Variants in ZNF804B observed in about 807,000 individuals in gnomAD.
ZNF804B encodes the protein zinc finger 804B.
ZNF804B carries 80 observed loss-of-function variants against 101.4 expected under a neutral mutation model. The ratio of observed to expected loss-of-function variants is 0.79; its 90% confidence interval spans 0.66 to 0.95. ZNF804B has a LOEUF of 0.95. Ranked by LOEUF, ZNF804B falls within the 40% of genes least tolerant of loss-of-function variation. ZNF804B has a pLI of 0.00. For missense variants in ZNF804B, 1,673 were observed against 1,561.9 expected (o/e 1.07, Z -1.20); for synonymous variants, 622 against 558.8 (o/e 1.11, Z -1.59).
intron 1 of ZNF804B, among the ~76,000 whole-genome samples, chr7:89,092,401 C>A (rs1033177467): frequency 8.6e-6 from 1 of 116,894 alleles, no homozygotes; most frequent in Non-Finnish European, 1.7e-5. Flanking sequence ...GATTTCTTTT[C>A]TTTTCTGTTT....
chr7:89,202,633 G>A (rs1327972109), intron 1 of ZNF804B, among the ~76,000 whole-genome samples: 1 of 152,054 alleles, frequency 6.6e-6, no homozygotes, highest in Non-Finnish European at 1.5e-5. Context: ...GAGTTTTAGA[G>A]ACACAAAAAT....
intron 1 of ZNF804B, among the ~76,000 whole-genome samples, chr7:88,853,036 C>A (rs1355344453): frequency 6.6e-6 from 1 of 152,044 alleles, no homozygotes; most frequent in Non-Finnish European, 1.5e-5. Flanking sequence ...AGAAGCTATA[C>A]CCCTGCACTC....
At chr7:88,861,122 T>TCA (rs1791637906) in intron 1 of ZNF804B, among the ~76,000 whole-genome samples, 1 of 152,200 alleles carries the variant, frequency 6.6e-6, no homozygotes, top group East Asian at 1.9e-4. Context: ...CCAGATATAT[T>TCA]TTTAAGTGCT....
intron 1 of ZNF804B, among the ~76,000 whole-genome samples, chr7:89,024,735 A>G (rs1253924859): frequency 6.7e-6 from 1 of 149,032 alleles, no homozygotes; most frequent in Non-Finnish European, 1.5e-5. Context: ...GTCCTGGCTG[A>G]TACCACATTC....
chr7:89,166,323 C>T (rs546723678), intron 1 of ZNF804B, among the ~76,000 whole-genome samples: 1 of 152,076 alleles, frequency 6.6e-6, no homozygotes, highest in Non-Finnish European at 1.5e-5. Context: ...AATTTTAAAA[C>T]GTAACTACTA....
chr7:89,047,909 C>T (rs1182441222), intron 1 of ZNF804B, among the ~76,000 whole-genome samples: 4 of 147,048 alleles, frequency 2.7e-5, no homozygotes, highest in African/African-American at 1.0e-4. Context: ...TTTTTTTCCC[C>T]CTTTGGATAT....
At chr7:88,957,778 C>T (rs920660744) in intron 1 of ZNF804B, among the ~76,000 whole-genome samples, 5 of 151,104 alleles carry the variant, frequency 3.3e-5, no homozygotes, top group Non-Finnish European at 5.9e-5. Flanking sequence ...GTTATTCCTT[C>T]TCTGGGTCCC....
intron 1 of ZNF804B, among the ~76,000 whole-genome samples, chr7:88,793,291 T>C (rs890015796): frequency 6.6e-6 from 1 of 152,136 alleles, no homozygotes; most frequent in African/African-American, 2.4e-5. Flanking sequence ...AGTTGCTTTC[T>C]AGAAAGTGAA....
intron 3 of ZNF804B, among the ~76,000 whole-genome samples, chr7:89,332,863 T>G (rs532284183): frequency 5.3e-5 from 8 of 151,958 alleles, no homozygotes; most frequent in Admixed American, 1.3e-4. Context: ...ACCACTGTGT[T>G]TCAAAAGTAA....
chr7:89,015,112 C>T (rs1392215352), intron 1 of ZNF804B, among the ~76,000 whole-genome samples: 1 of 152,038 alleles, frequency 6.6e-6, no homozygotes, highest in East Asian at 1.9e-4. Flanking sequence ...GTGTACTTTC[C>T]TTAGTGGATA....
chr7:89,290,662 A>T lies in ZNF804B; in HGVS notation c.250-36682A>T, dbSNP rs114574659. Among the ~76,000 whole-genome samples, 1,197 of 152,222 alleles carry T rather than the reference A, an allele frequency of 7.9e-3. 21 individuals are homozygous for T. Among genetic ancestry groups the T allele is most frequent in the Middle Eastern group, 0.024 (7 of 294 alleles). On this transcript the variant is annotated intron_variant, in intron 2 of 3. Coordinates refer to ENST00000333190, the MANE Select transcript of ZNF804B (RefSeq NM_181646.5). Reference sequence around the variant, plus strand: ...TTTGACTGTAGAAAGGAGAGGTAAAAGGGGGAAGGACTGTGTCTTGTGGTT... The same window carrying T: ...TTTGACTGTAGAAAGGAGAGGTAAATGGGGGAAGGACTGTGTCTTGTGGTT...
At chr7:88,782,098 AGTGCGTGT>A (rs1363345445) in intron 1 of ZNF804B, among the ~76,000 whole-genome samples, 11 of 132,102 alleles carry the variant, frequency 8.3e-5, no homozygotes, top group African/African-American at 3.4e-4. Context: ...CTTTTGTGTG[AGTGCGTGT>A]GTGTGTGTGT....
intron 1 of ZNF804B, among the ~76,000 whole-genome samples, chr7:89,017,657 G>T (rs1446220998): frequency 6.6e-6 from 1 of 152,040 alleles, no homozygotes; most frequent in Non-Finnish European, 1.5e-5. Context: ...ATAAACATGG[G>T]ATGTCTTTCT....
intron 1 of ZNF804B, among the ~76,000 whole-genome samples, chr7:89,167,303 C>T (rs1445605013): frequency 1.3e-5 from 2 of 151,168 alleles, no homozygotes; most frequent in Non-Finnish European, 2.9e-5. Context: ...ATTAGCCGGG[C>T]GTGGTGGCAG....
chr7:88,928,604 G>C (rs1444742025), intron 1 of ZNF804B, among the ~76,000 whole-genome samples: 1 of 152,100 alleles, frequency 6.6e-6, no homozygotes, highest in Non-Finnish European at 1.5e-5. Flanking sequence ...CCCTTAAAAA[G>C]AAGCAAAAGT....
At position 89,132,162 on chromosome 7, in the gene ZNF804B, G is replaced by GCACACA. The variant is rs1370260461; in HGVS notation, c.109-85992_109-85987dup. On this transcript the variant is annotated intron_variant, in intron 1 of 3. Transcript: ENST00000333190. ...GAAAATAACAGGAATGAGAACACAC[G>GCACACA]CACACATACACACACACACACACAC... 1.1e-3 allele frequency among the ~76,000 whole-genome samples: 97 copies of GCACACA among 87,706 alleles called. 1 individual carries two copies. Among genetic ancestry groups the GCACACA allele is most frequent in the African/African-American group, 3.2e-3 (91 of 28,040 alleles). The allele number at this position is 87,706 out of a possible 152,430, so 57.5% of individuals were successfully genotyped here.
At chr7:88,941,099 A>G (rs559775046) in intron 1 of ZNF804B, among the ~76,000 whole-genome samples, 1 of 152,134 alleles carries the variant, frequency 6.6e-6, no homozygotes, top group African/African-American at 2.4e-5. Context: ...AAAAATGTAA[A>G]TTACTGACAA....
At chr7:88,877,006 A>AT (rs1791949739) in intron 1 of ZNF804B, among the ~76,000 whole-genome samples, 3 of 84,266 alleles carry the variant, frequency 3.6e-5, no homozygotes, top group African/African-American at 1.8e-4. Flanking sequence ...TTGAAAAAAA[A>AT]AATATATATA....
chr7:89,017,791 C>A (rs140153833), intron 1 of ZNF804B, among the ~76,000 whole-genome samples: 444 of 151,984 alleles, frequency 2.9e-3, no homozygotes, highest in Middle Eastern at 0.01. Flanking sequence ...AATGGGATTT[C>A]TTTTTTCAGT....
Sources: gnomAD v4.1 joint callset for allele counts (sites outside exome capture counted in the v4.1 genomes callset) on GRCh38, gnomAD v4.1.1 for gene constraint, MANE v1.5 for transcripts, NCBI Gene and HGNC (gene_info 2026-07-23, HGNC 2026-07-21) for gene names.